Variants in COL4A1 observed in about 807,000 individuals in gnomAD.
The protein encoded by COL4A1 is collagen alpha-1(IV) chain.
Under a neutral mutation model 216.6 loss-of-function variants are expected in COL4A1, and 40 were observed. The ratio of observed to expected loss-of-function variants is 0.18; its 90% CI spans 0.14 to 0.24. COL4A1 has a LOEUF of 0.24. Ranked by LOEUF, COL4A1 falls within the 10% of genes least tolerant of loss-of-function variation. The pLI, the probability that COL4A1 is intolerant of heterozygous loss-of-function variation, is 1.00. For missense variants in COL4A1, 1,628 were observed against 2,196.8 expected (o/e 0.74, Z 5.18); for synonymous variants, 839 against 810.7 (o/e 1.03, Z -0.59).
At chr13:110,154,442 G>C (rs3825482) in intron 50 of COL4A1, among the ~76,000 whole-genome samples, 3 of 152,206 alleles carry the variant, frequency 2.0e-5, no homozygotes, top group African/African-American at 7.2e-5. Flanking sequence ...CTTCGTGGAG[G>C]CCACGGCCAG....
At chr13:110,170,467 TTAAC>T in intron 42 of COL4A1, 76 bp downstream of exon 42, 1 of 1,450,432 alleles carries the variant, frequency 6.9e-7, no homozygotes, top group Non-Finnish European at 9.4e-7. Flanking sequence ...AATTGAGAAT[TTAAC>T]TATTTCTTTT....
intron 2 of COL4A1, among the ~76,000 whole-genome samples, chr13:110,232,849 G>A (rs148086735): frequency 2.6e-5 from 4 of 152,254 alleles, no homozygotes; most frequent in Non-Finnish European, 5.9e-5. Context: ...AGATACAGCT[G>A]CAAATCAAGA....
At position 110,187,185 on chromosome 13, in the gene COL4A1, G is replaced by A. The variant is rs763252284; in HGVS notation, c.1681C>T (p.Pro561Ser). Reference protein sequence around the residue: ...QPGMPGRAGSPGRDGHPGLPG... With the variant: ...QPGMPGRAGSSGRDGHPGLPG... Reference sequence around the variant, plus strand: ...AGACCCGGATGGCCATCTCTTCCAGGAGAACCCGCTCTCCCTGGCATGCCG... The same window carrying A: ...AGACCCGGATGGCCATCTCTTCCAGAAGAACCCGCTCTCCCTGGCATGCCG... The change falls in exon 25 of 52, where the codon CCT (proline) becomes TCT (serine). Residue 561 changes from proline (P) to serine (S), a missense_variant. Pro to Ser is a moderately conservative substitution (Grantham distance 74, BLOSUM62 -1). Transcript: ENST00000375820. 1.9e-6 allele frequency: 3 copies of A among 1,614,020 alleles called. No homozygotes were observed. The highest frequency in any genetic ancestry group is 1.1e-5 in the South Asian group (1 of 91,072).
At chr13:110,299,742 A>C (rs895842644) in intron 1 of COL4A1, among the ~76,000 whole-genome samples, 8 of 152,200 alleles carry the variant, frequency 5.3e-5, no homozygotes, top group Admixed American at 3.9e-4. Flanking sequence ...AGCTTCTTTG[A>C]GAAACAGACT....
chr13:110,209,314 A>G, intron 11 of COL4A1, 78 bp downstream of exon 11: 2 of 1,317,818 alleles, frequency 1.5e-6, no homozygotes, highest in African/African-American at 1.5e-5. Context: ...GACTGAAAGA[A>G]TAAGAAGAGT....
intron 29 of COL4A1, 46 bp from the exon 30 acceptor site, chr13:110,179,467 A>T (rs769922853): frequency 1.2e-6 from 2 of 1,613,746 alleles, no homozygotes; most frequent in Admixed American, 3.3e-5. Flanking sequence ...TTGCAAAGTC[A>T]GTATTTTTAT....
chr13:110,160,411 CCGCAG>C (rs2138426668), intron 49 of COL4A1, among the ~76,000 whole-genome samples: 1 of 117,496 alleles, frequency 8.5e-6, no homozygotes, highest in African/African-American at 3.7e-5. Flanking sequence ...CCACTGCAGT[CCGCAG>C]TCCGGCCTGG....
intron 15 of COL4A1, 148 bp downstream of exon 15, chr13:110,206,517 G>A (rs781507401): frequency 2.1e-5 from 19 of 884,400 alleles, no homozygotes; most frequent in Non-Finnish European, 3.0e-5. Flanking sequence ...TATAGCTCAG[G>A]AGAGTCTCGG....
chr13:110,180,621 G>A (rs1481568331), intron 29 of COL4A1, among the ~76,000 whole-genome samples: 5 of 152,264 alleles, frequency 3.3e-5, no homozygotes, highest in African/African-American at 9.6e-5. Flanking sequence ...GGATCTAATC[G>A]GTAGTCGCTC....
chr13:110,219,826 ATGTATG>A (rs1566385604), intron 2 of COL4A1, among the ~76,000 whole-genome samples: 3 of 85,246 alleles, frequency 3.5e-5, no homozygotes, highest in Admixed American at 2.8e-4. Context: ...ATGTATATAT[ATGTATG>A]TATGTATATA....
chr13:110,306,605 AAGGCGCCC>A (rs1237780464), intron 1 of COL4A1, among the ~76,000 whole-genome samples: 4 of 152,136 alleles, frequency 2.6e-5, no homozygotes, highest in Admixed American at 2.6e-4. Context: ...GGGACGGGTG[AAGGCGCCC>A]AGCTGCCGAG....
intron 2 of COL4A1, among the ~76,000 whole-genome samples, chr13:110,229,747 TC>T (rs1880926656): frequency 6.6e-6 from 1 of 152,228 alleles, no homozygotes; most frequent in Admixed American, 6.5e-5. Context: ...ATCTTGGACT[TC>T]CAGCCTCCAG....
chr13:110,159,635 A>G (rs1007613647), intron 49 of COL4A1, among the ~76,000 whole-genome samples: 1 of 152,260 alleles, frequency 6.6e-6, no homozygotes, highest in South Asian at 2.1e-4. Context: ...AGGCTCTCAA[A>G]GAAATATTTT....
At chr13:110,252,629 A>G (rs2139261673) in intron 1 of COL4A1, among the ~76,000 whole-genome samples, 1 of 5,870 alleles carries the variant, frequency 1.7e-4, no homozygotes, top group Non-Finnish European at 2.9e-3. Flanking sequence ...AATTGTATAT[A>G]TTATATATAC....
chr13:110,172,379 A>AT (rs1877687125), intron 41 of COL4A1, among the ~76,000 whole-genome samples: 1 of 152,228 alleles, frequency 6.6e-6, no homozygotes, highest in African/African-American at 2.4e-5. Context: ...CTGCATTCAC[A>AT]TAAGTATAAC....
intron 49 of COL4A1, among the ~76,000 whole-genome samples, chr13:110,157,537 C>A (rs117521826): frequency 3.9e-5 from 6 of 152,296 alleles, no homozygotes; most frequent in Non-Finnish European, 8.8e-5. Context: ...AGCCTCTCTA[C>A]GAGAGGGAAG....
At chr13:110,288,013 T>C (rs181645037) in intron 1 of COL4A1, among the ~76,000 whole-genome samples, 38 of 136,142 alleles carry the variant, frequency 2.8e-4, no homozygotes, top group African/African-American at 9.2e-4. Context: ...TCTCAGCACT[T>C]TGGGAGGCTG....
In COL4A1 at chr13:110,187,278, G is replaced by C. The variant is rs145172612; in HGVS notation, c.1588C>G (p.Pro530Ala). The C allele has an allele frequency of 1.2e-6, 2 of 1,613,320 alleles. No individual in the cohort carries two copies. Among genetic ancestry groups the C allele is most frequent in the Non-Finnish European group, 1.7e-6 (2 of 1,179,880 alleles). The change falls in exon 25 of 52, where the codon CCT becomes GCT. Residue 530 changes from proline to alanine, a missense_variant. Coordinates refer to ENST00000375820, the MANE Select transcript of COL4A1 (RefSeq NM_001845.6). ...CGCAAGTCGAAATAAAACTCACCAGGCTCCCCCTTGGCTCCTGGCTGGCCT... is the reference window on the plus strand; with the variant it reads ...CGCAAGTCGAAATAAAACTCACCAGCCTCCCCCTTGGCTCCTGGCTGGCCT... ...LIGQPGAKGEPGEFYFDLRLK... is the reference protein window; with the variant it reads ...LIGQPGAKGEAGEFYFDLRLK...
At chr13:110,286,897 G>A (rs1883865068) in intron 1 of COL4A1, among the ~76,000 whole-genome samples, 1 of 152,186 alleles carries the variant, frequency 6.6e-6, no homozygotes, top group Admixed American at 6.5e-5. Context: ...AACAGAATTC[G>A]TTTCTGGGAA....
Sources: allele counts gnomAD v4.1 joint callset (sites outside exome capture counted in the v4.1 genomes callset), GRCh38; gene constraint gnomAD v4.1.1; transcripts MANE v1.5; gene names NCBI Gene and HGNC (gene_info 2026-07-23, HGNC 2026-07-21).